The following DNAJA1 variants were observed in gnomAD, a reference collection of about 807,000 sequenced individuals.
The protein encoded by DNAJA1 is dnaJ homolog subfamily A member 1.
In DNAJA1, 26 loss-of-function variants were observed where a neutral mutation model predicts 47.6. The ratio of observed to expected loss-of-function variants is 0.55; its 90% CI spans 0.40 to 0.76. The LOEUF (loss-of-function observed/expected upper bound fraction) is 0.76. Among genes scored for constraint, DNAJA1 ranks in the 30% least tolerant of loss-of-function variants. The pLI is 0.00. For missense variants in DNAJA1, 315 were observed against 485.0 expected (o/e 0.65, Z 3.29); for synonymous variants, 165 against 158.4 (o/e 1.04, Z -0.31).
rs531169001 is a variant in DNAJA1 at position 33,033,759 on chromosome 9, T to C, written c.644-457T>C. ...ATACTACAATAGAAGGGTCTTGATT[T>C]ACATTGCTGTTAGACTTTTAATAGA... On this transcript the variant is annotated intron_variant, in intron 5 of 8. Transcript: ENST00000330899. Among the ~76,000 whole-genome samples, 5 of 152,372 alleles carry C rather than the reference T, an allele frequency of 3.3e-5. No homozygotes were observed. The South Asian group carries it at 1.0e-3, about 32-fold the overall frequency.
At chr9:33,029,851 AAACAG>A in intron 3 of DNAJA1, 29 bp from the exon 4 acceptor site, 1 of 1,545,414 alleles carries the variant, frequency 6.5e-7, no homozygotes, top group Non-Finnish European at 8.8e-7. Context: ...CCAGCATCTT[AAACAG>A]ATTTGCAATG....
chr9:33,026,357 T>G, intron 1 of DNAJA1, 118 bp from the exon 2 acceptor site: 2 of 1,045,888 alleles, frequency 1.9e-6, no homozygotes, highest in Non-Finnish European at 2.7e-6. Flanking sequence ...TTGGTGAAAT[T>G]TAGGGAAGGT....
chr9:33,036,020 T>C (rs1265979422), intron 6 of DNAJA1: 2 of 152,172 alleles, frequency 1.3e-5, no homozygotes, highest in African/African-American at 4.8e-5. Flanking sequence ...CTCAACTCAC[T>C]GCAATCTCTG....
chr9:33,027,591 A>G (rs992709407), intron 3 of DNAJA1, among the ~76,000 whole-genome samples: 1 of 151,394 alleles, frequency 6.6e-6, no homozygotes, highest in Non-Finnish European at 1.5e-5. Context: ...GCTGTGGCTC[A>G]TTCTGTAATC....
chr9:33,034,484 G>T (rs990258941), intron 6 of DNAJA1, among the ~76,000 whole-genome samples, 154 bp downstream of exon 6: 3 of 152,112 alleles, frequency 2.0e-5, no homozygotes, highest in Non-Finnish European at 4.4e-5. Context: ...ATAAGAGGTT[G>T]AATACATAGG....
At chr9:33,035,921 C>G (rs1228786111) in intron 6 of DNAJA1, among the ~76,000 whole-genome samples, 1 of 152,156 alleles carries the variant, frequency 6.6e-6, no homozygotes, top group East Asian at 1.9e-4. Context: ...TTGTTAGAGT[C>G]CCTTTAAATT....
intron 4 of DNAJA1, 52 bp downstream of exon 4, chr9:33,030,041 G>A: frequency 6.6e-7 from 1 of 1,507,926 alleles, no homozygotes; most frequent in Admixed American, 1.8e-5. Flanking sequence ...CCTTTAATAT[G>A]ACACCTGAAA....
At chr9:33,030,690 T>G (rs1838947115) in intron 5 of DNAJA1, 23 bp downstream of exon 5, 1 of 1,570,876 alleles carries the variant, frequency 6.4e-7, no homozygotes, top group East Asian at 2.3e-5. Context: ...TTACTTATTC[T>G]GAAGTCTTGA....
intron 5 of DNAJA1, among the ~76,000 whole-genome samples, chr9:33,032,124 A>G (rs1838971336): frequency 1.3e-5 from 2 of 152,238 alleles, no homozygotes; most frequent in South Asian, 4.1e-4. Context: ...ACCAATCTGG[A>G]ACTGTTAATA....
intron 3 of DNAJA1, among the ~76,000 whole-genome samples, chr9:33,027,676 A>G (rs1587696280): frequency 6.6e-6 from 1 of 150,378 alleles, no homozygotes; most frequent in African/African-American, 2.4e-5. Flanking sequence ...AGATGGTGAA[A>G]CCCCATCTCT....
At chr9:33,027,090 GTA>G in intron 3 of DNAJA1, 100 bp downstream of exon 3, 1 of 1,412,940 alleles carries the variant, frequency 7.1e-7, no homozygotes, top group East Asian at 2.4e-5. Flanking sequence ...TTACATGTTG[GTA>G]TAATGTTGCA....
rs1839088259 is a variant in DNAJA1 at position 33,039,547 on chromosome 9, A to ATATATATATATATATATATATAT, written c.*644_*645insTATATATATATATATATATATAT. The ATATATATATATATATATATATAT allele has an allele frequency of 7.2e-6, 1 of 139,094 alleles. No homozygotes were observed. Among genetic ancestry groups the ATATATATATATATATATATATAT allele is most frequent in the Non-Finnish European group, 1.6e-5 (1 of 61,960 alleles). 8.6% of individuals were successfully genotyped at this position (139,094 alleles called of 1,614,324 possible). On this transcript the variant is annotated 3_prime_UTR_variant, in exon 9 of 9. Coordinates refer to ENST00000330899, the MANE Select transcript of DNAJA1 (RefSeq NM_001539.4). The stretch of plus-strand genomic sequence containing the variant: ...TCTGCTGTGCCATTCATATATATAT[A>ATATATATATATATATATATATAT]CATATATATATATAATCTTGACCAG...
At chr9:33,037,141 A>G in intron 8 of DNAJA1, 26 bp downstream of exon 8, 1 of 1,592,518 alleles carries the variant, frequency 6.3e-7, no homozygotes, top group South Asian at 1.1e-5. Context: ...CTTTAAGAAT[A>G]CTTGAGAACA....
chr9:33,036,666 CCAT>C lies in DNAJA1; in HGVS notation c.853_855del (p.Ile285del). ...CCAATATCTACTCTTGACAACCGAA[CCAT>C]CGTCATCACCTCTCATCCAGGTATG... On this transcript the variant is annotated inframe_deletion, in exon 7 of 9. Transcript: ENST00000330899. 6.2e-7 allele frequency: 1 copy of C among 1,613,654 alleles called. No homozygotes were observed. Among genetic ancestry groups the C allele is most frequent in the South Asian group, 1.1e-5 (1 of 91,056 alleles).
chr9:33,039,122 G>A lies in DNAJA1; in HGVS notation c.*219G>A. On this transcript the variant is annotated 3_prime_UTR_variant, in exon 9 of 9. Transcript: ENST00000330899. The stretch of plus-strand genomic sequence containing the variant: ...GTGTGCAAGATGAAGTTTAATACCT[G>A]TAAAAACTACAAAGAAGTTCCCCTA... 1 of 534,722 alleles carries A rather than the reference G, an allele frequency of 1.9e-6. No homozygotes were observed. The highest frequency in any genetic ancestry group is 2.2e-5 in the South Asian group (1 of 45,372). The allele number at this position is 534,722 out of a possible 1,614,324, so 33.1% of individuals were successfully genotyped here.
intron 3 of DNAJA1, 54 bp from the exon 4 acceptor site, chr9:33,029,831 C>A: frequency 1.4e-6 from 2 of 1,453,540 alleles, no homozygotes; most frequent in Non-Finnish European, 1.9e-6. Context: ...GCCTTTAGCA[C>A]AAATAAGATC....
intron 6 of DNAJA1, among the ~76,000 whole-genome samples, chr9:33,034,579 A>G (rs1839007185): frequency 6.6e-6 from 1 of 152,102 alleles, no homozygotes; most frequent in Non-Finnish European, 1.5e-5. Context: ...TAAGCAGCAG[A>G]TGGGTGGGGA....
chr9:33,027,316 C>G (rs964954598), intron 3 of DNAJA1, among the ~76,000 whole-genome samples: 2 of 151,904 alleles, frequency 1.3e-5, no homozygotes, highest in African/African-American at 2.4e-5. Context: ...CCACCAAACC[C>G]GGCTAATTTT....
chr9:33,025,754 A>AGGGGCTGCGGGGGGAGCCGGGCG (rs1838814130), intron 1 of DNAJA1, among the ~76,000 whole-genome samples: 2 of 151,650 alleles, frequency 1.3e-5, no homozygotes, highest in South Asian at 2.1e-4. Flanking sequence ...GGCAGGGGCG[A>AGGGGCTGCGGGGGGAGCCGGGCG]GGGGCTGCGG....
Sources: gnomAD v4.1 joint callset for allele counts (sites outside exome capture counted in the v4.1 genomes callset) on GRCh38, gnomAD v4.1.1 for gene constraint, MANE v1.5 for transcripts, NCBI Gene and HGNC (gene_info 2026-07-23, HGNC 2026-07-21) for gene names.